The following CNTNAP2 variants were observed in gnomAD, a reference collection of about 807,000 sequenced individuals.
CNTNAP2 encodes contactin-associated protein-like 2.
A neutral mutation model predicts 155.2 loss-of-function variants in CNTNAP2; 98 were observed. The ratio of observed to expected loss-of-function variants is 0.63; its 90% confidence interval spans 0.54 to 0.75. The LOEUF is 0.75. Ranked by LOEUF, CNTNAP2 falls within the 30% of genes least tolerant of loss-of-function variation. The pLI is 0.00. For missense variants in CNTNAP2, 1,727 were observed against 1,688.1 expected (o/e 1.02, Z -0.40); for synonymous variants, 651 against 631.2 (o/e 1.03, Z -0.47).
rs146847123 is a variant in CNTNAP2 at position 146,565,382 on chromosome 7, A to T, written c.98-208889A>T. The stretch of plus-strand genomic sequence containing the variant: ...TCTGTTCACCTGAAAGTATATTCAT[A>T]GCCATTTTTTTTTTGTTAATGTTAA... On this transcript the variant is annotated intron_variant, in intron 1 of 23. Coordinates refer to ENST00000361727, the MANE Select transcript of CNTNAP2 (RefSeq NM_014141.6). Among the ~76,000 whole-genome samples the T allele has an allele frequency of 4.6e-3, 697 of 152,166 alleles. 5 individuals are homozygous for T. The highest frequency in any genetic ancestry group is 0.016 in the African/African-American group (650 of 41,512).
intron 3 of CNTNAP2, among the ~76,000 whole-genome samples, chr7:146,972,524 A>G (rs995317177): frequency 6.6e-6 from 1 of 152,220 alleles, no homozygotes; most frequent in African/African-American, 2.4e-5. Context: ...AACTGCATCA[A>G]TGACCATATA....
chr7:146,845,349 G>A (rs1803820506), intron 3 of CNTNAP2, among the ~76,000 whole-genome samples: 1 of 152,152 alleles, frequency 6.6e-6, no homozygotes, highest in Non-Finnish European at 1.5e-5. Flanking sequence ...CTGAATTCAT[G>A]TATCTTGTTT....
chr7:146,791,925 TC>T (rs994177452), intron 2 of CNTNAP2, among the ~76,000 whole-genome samples: 1 of 152,152 alleles, frequency 6.6e-6, no homozygotes, highest in African/African-American at 2.4e-5. Context: ...CTCTTGGGAA[TC>T]CCCCCTACTA....
chr7:146,449,987 C>T (rs1796455241), intron 1 of CNTNAP2, among the ~76,000 whole-genome samples: 1 of 152,142 alleles, frequency 6.6e-6, no homozygotes. Flanking sequence ...TATTTCTATA[C>T]AGAACACAAT....
At chr7:146,539,718 G>C (rs934615935) in intron 1 of CNTNAP2, among the ~76,000 whole-genome samples, 1 of 151,968 alleles carries the variant, frequency 6.6e-6, no homozygotes, top group Non-Finnish European at 1.5e-5. Flanking sequence ...TGGTTTAAAA[G>C]GGACACTCTT....
intron 10 of CNTNAP2, among the ~76,000 whole-genome samples, chr7:147,480,881 C>T (rs1584760571): frequency 6.6e-6 from 1 of 152,342 alleles, no homozygotes; most frequent in Admixed American, 6.5e-5. Context: ...GAATCCCAGA[C>T]TCCAATCCTG....
intron 1 of CNTNAP2, among the ~76,000 whole-genome samples, chr7:146,522,572 TAG>T (rs1797630643): frequency 6.6e-6 from 1 of 151,834 alleles, no homozygotes; most frequent in South Asian, 2.1e-4. Flanking sequence ...AAAATATATA[TAG>T]AAATACTGAG....
chr7:147,050,192 ATCT>A (rs1337272544), intron 4 of CNTNAP2, among the ~76,000 whole-genome samples: 3 of 152,180 alleles, frequency 2.0e-5, no homozygotes, highest in Non-Finnish European at 4.4e-5. Context: ...GCAGACACTA[ATCT>A]TCTTACGCGA....
Position 147,785,946 on chromosome 7 carries a change from C to T in CNTNAP2, c.2099-117619C>T, listed in dbSNP as rs187634269. ...TGGGGAGGTTGCAATGAGCCAAGAT[C>T]GTGCCACCGCACTCCACCCTTGGTG... On this transcript the variant is annotated intron_variant, in intron 13 of 23. Transcript: ENST00000361727. 3.2e-3 allele frequency among the ~76,000 whole-genome samples: 482 copies of T among 150,632 alleles called. 2 individuals carry two copies. Among genetic ancestry groups the T allele is most frequent in the Middle Eastern group, 0.018 (5 of 272 alleles).
At position 148,226,723 on chromosome 7, in the gene CNTNAP2, G is replaced by A. The variant is rs192921721; in HGVS notation, c.3248-2923G>A. 4.4e-4 allele frequency among the ~76,000 whole-genome samples: 67 copies of A among 152,330 alleles called. 1 individual carries two copies. The East Asian group carries it at 0.012, about 26-fold the overall frequency. ...CTCCCACGTGCTCGCAGGCCACTGC[G>A]CATGCAGACAGCCCGCCCCAAGGGA... On this transcript the variant is annotated intron_variant, in intron 19 of 23. Coordinates refer to ENST00000361727, the MANE Select transcript of CNTNAP2 (RefSeq NM_014141.6).
chr7:147,562,559 T>G (rs1436188501), intron 12 of CNTNAP2, among the ~76,000 whole-genome samples: 3 of 152,184 alleles, frequency 2.0e-5, no homozygotes, highest in Non-Finnish European at 4.4e-5. Flanking sequence ...AAGAAAGAAC[T>G]AGTAACCTAG....
At chr7:147,260,939 G>A (rs745987639) in intron 8 of CNTNAP2, among the ~76,000 whole-genome samples, 34 of 152,270 alleles carry the variant, frequency 2.2e-4, no homozygotes, top group East Asian at 5.8e-4. Context: ...AACAATCAGC[G>A]TTATAATATG....
At chr7:146,762,209 A>C (rs1802113930) in intron 1 of CNTNAP2, among the ~76,000 whole-genome samples, 1 of 152,170 alleles carries the variant, frequency 6.6e-6, no homozygotes, top group Admixed American at 6.5e-5. Context: ...AACACAGTTT[A>C]CATTAAACGT....
At chr7:148,016,712 G>T (rs1490167383) in intron 15 of CNTNAP2, among the ~76,000 whole-genome samples, 4 of 152,208 alleles carry the variant, frequency 2.6e-5, no homozygotes, top group African/African-American at 9.6e-5. Flanking sequence ...TAACATTTCG[G>T]TGTATTGGTA....
At chr7:147,614,743 C>A (rs1801249462) in intron 12 of CNTNAP2, among the ~76,000 whole-genome samples, 1 of 151,598 alleles carries the variant, frequency 6.6e-6, no homozygotes. Context: ...GTGACTAATT[C>A]TTTGAACCTT....
intron 13 of CNTNAP2, among the ~76,000 whole-genome samples, chr7:147,733,301 G>C (rs1435942698): frequency 5.3e-5 from 8 of 152,054 alleles, no homozygotes; most frequent in African/African-American, 1.7e-4. Flanking sequence ...TCTTGTTTTT[G>C]TCAGGTTTGT....
intron 2 of CNTNAP2, among the ~76,000 whole-genome samples, chr7:146,828,001 T>C (rs1284878541): frequency 6.6e-6 from 1 of 152,122 alleles, no homozygotes; most frequent in Non-Finnish European, 1.5e-5. Context: ...TGGTTTTCCA[T>C]ATGGTAAAAT....
intron 2 of CNTNAP2, among the ~76,000 whole-genome samples, chr7:146,821,409 C>A (rs1267782176): frequency 2.0e-5 from 3 of 152,058 alleles, no homozygotes; most frequent in South Asian, 2.1e-4. Flanking sequence ...TATTTTATTT[C>A]TCCTTCACTT....
At chr7:147,005,032 C>T (rs749868014) in intron 3 of CNTNAP2, among the ~76,000 whole-genome samples, 4 of 151,860 alleles carry the variant, frequency 2.6e-5, no homozygotes, top group Non-Finnish European at 5.9e-5. Flanking sequence ...TGGAAGACAC[C>T]CACCAAACTG....
Sources: allele counts gnomAD v4.1 joint callset (sites outside exome capture counted in the v4.1 genomes callset), GRCh38; gene constraint gnomAD v4.1.1; transcripts MANE v1.5; gene names NCBI Gene and HGNC (gene_info 2026-07-23, HGNC 2026-07-21).